Variants in RD3 observed in about 807,000 individuals in gnomAD.
RD3 encodes the protein protein RD3.
In RD3, 11 loss-of-function variants were observed where a neutral mutation model predicts 16.9. The ratio of observed to expected loss-of-function variants is 0.65; its 90% confidence interval spans 0.41 to 1.08. The LOEUF (loss-of-function observed/expected upper bound fraction) is 1.08, where lower values mean the gene tolerates loss of function less well. Among genes scored for constraint, RD3 ranks in the 50% least tolerant of loss-of-function variants. The pLI, the probability that RD3 is intolerant of heterozygous loss-of-function variation, is 0.00. For synonymous variants in RD3, 116 were observed against 114.8 expected, an observed-to-expected ratio of 1.01 and a Z score of -0.07; for missense variants, 274 against 267.4, an observed-to-expected ratio of 1.02 and a Z score of -0.17.
Position 211,478,407 on chromosome 1 carries a change from A to G in RD3, c.*629T>C, listed in dbSNP as rs1422940410. 1.4e-5 allele frequency: 5 copies of G among 367,812 alleles called. No individual in the cohort carries two copies. Among genetic ancestry groups the G allele is most frequent in the Admixed American group, 4.6e-5 (1 of 21,842 alleles). The allele number at this position is 367,812 out of a possible 1,614,324, so 22.8% of individuals were successfully genotyped here. The stretch of plus-strand genomic sequence containing the variant: ...ACACTATTCATGCAGGAACAATCTC[A>G]CTGTTCATGAGGAGCTGGCTGCAGT... On this transcript the variant is annotated 3_prime_UTR_variant, in exon 3 of 3. Transcript: ENST00000680073.
chr1:211,484,728 G>T lies in RD3; in HGVS notation c.-11-3302C>A, dbSNP rs370964293. ...TTCTCTGACACATGGAGGTGGGTTG[G>T]GACTGCTCTCGGCCCTCAGCCTGCC... On this transcript the variant is annotated intron_variant, in intron 1 of 2. Transcript: ENST00000680073. Among the ~76,000 whole-genome samples, 14 of 152,236 alleles carry T rather than the reference G, an allele frequency of 9.2e-5. No homozygotes were observed. In the East Asian group the frequency reaches 2.3e-3, roughly 25 times the overall value.
intron 1 of RD3, among the ~76,000 whole-genome samples, chr1:211,485,911 C>T (rs1705363632): frequency 6.6e-6 from 1 of 152,162 alleles, no homozygotes; most frequent in Non-Finnish European, 1.5e-5. Flanking sequence ...AATCCCAGCA[C>T]TTTGGGAGGC....
chr1:211,484,317 A>C (rs1160611875), intron 1 of RD3, among the ~76,000 whole-genome samples: 1 of 152,230 alleles, frequency 6.6e-6, no homozygotes, highest in Non-Finnish European at 1.5e-5. Context: ...TAAATGATGG[A>C]GAAGCTATAA....
chr1:211,479,218 G>C lies in RD3; in HGVS notation c.406C>G (p.His136Asp). The C allele has an allele frequency of 1.9e-6, 3 of 1,610,814 alleles. No homozygotes were observed. The highest frequency in any genetic ancestry group is 2.5e-6 in the Non-Finnish European group (3 of 1,178,884). Reference protein sequence around the residue: ...LERMKQEEEAHKLTRQWSLRP... With the variant: ...LERMKQEEEADKLTRQWSLRP... The stretch of plus-strand genomic sequence containing the variant: ...AGGCTCCACTGGCGCGTCAGCTTGT[G>C]GGCCTCCTCTTCCTGCTTCATCCTC... Residue 136 changes from histidine to aspartate, a missense_variant, in exon 3 of 3, where the codon CAC (histidine) becomes GAC (aspartate). His to Asp is a moderately conservative substitution (Grantham distance 81). Transcript: ENST00000680073.
intron 2 of RD3, among the ~76,000 whole-genome samples, chr1:211,479,784 G>A (rs1448603510): frequency 6.6e-6 from 1 of 152,132 alleles, no homozygotes; most frequent in Non-Finnish European, 1.5e-5. Flanking sequence ...CCTTCCAGGT[G>A]AGCTGTTTGC....
Position 211,478,256 on chromosome 1 carries a change from T to C in RD3, c.*780A>G, listed in dbSNP as rs1396711453. ...AACCTACCTCCACCCCTAGCTACAC[T>C]TCTTGGAGAGCAGCTTAGATTCTCA... On this transcript the variant is annotated 3_prime_UTR_variant, in exon 3 of 3. Coordinates refer to ENST00000680073, the MANE Select transcript of RD3 (RefSeq NM_001164688.2). The C allele has an allele frequency of 1.5e-5, 6 of 398,356 alleles. No homozygotes were observed. The highest frequency in any genetic ancestry group is 2.7e-5 in the Non-Finnish European group (6 of 226,068). 24.7% of individuals were successfully genotyped at this position (398,356 alleles called of 1,614,324 possible).
intron 2 of RD3, 117 bp from the exon 3 acceptor site, chr1:211,479,444 T>A: frequency 4.4e-6 from 4 of 918,186 alleles, no homozygotes; most frequent in Non-Finnish European, 6.4e-6. Context: ...TCCACTCTAC[T>A]CTGCTCCTGA....
chr1:211,481,316 T>C lies in RD3; in HGVS notation c.100A>G (p.Thr34Ala), dbSNP rs1005047463. 2 of 1,614,216 alleles carry C rather than the reference T, an allele frequency of 1.2e-6. No homozygotes were observed. The highest frequency in any genetic ancestry group is 1.7e-6 in the Non-Finnish European group (2 of 1,180,044). The change falls in exon 2 of 3, where the codon ACG (threonine) becomes GCG (alanine). Residue 34 changes from threonine (T) to alanine (A), a missense_variant. Physicochemically the swap from Thr to Ala is moderately conservative, Grantham distance 58. Transcript: ENST00000680073. ...MVLETLMMEL[T>A]GQMREAERQQ... ...CTCTCAGCCTCTCGCATCTGCCCCG[T>C]CAGCTCCATCATAAGCGTCTCCAGC...
intron 1 of RD3, among the ~76,000 whole-genome samples, chr1:211,487,760 G>A (rs1312701539): frequency 2.0e-5 from 3 of 152,208 alleles, no homozygotes; most frequent in Admixed American, 1.3e-4. Flanking sequence ...AGTGGCGTGT[G>A]CGGGGAGGGC....
At position 211,478,773 on chromosome 1, in the gene RD3, A is replaced by C. The variant is rs1558178563; in HGVS notation, c.*263T>G. The C allele has an allele frequency of 5.9e-5, 29 of 492,652 alleles. No homozygotes were observed. In the South Asian group the frequency reaches 1.1e-3, roughly 18 times the overall value. 30.5% of individuals were successfully genotyped at this position (492,652 alleles called of 1,614,324 possible). ...TGTCTTCCAAAACCTTGAATCTGCC[A>C]GTTAGGGAAGGGGCTGCTCCTGCAG... is the stretch of plus-strand genomic sequence containing the variant. On this transcript the variant is annotated 3_prime_UTR_variant, in exon 3 of 3. Coordinates refer to ENST00000680073, the MANE Select transcript of RD3 (RefSeq NM_001164688.2).
chr1:211,485,607 T>C (rs925833585), intron 1 of RD3, among the ~76,000 whole-genome samples: 1 of 150,582 alleles, frequency 6.6e-6, no homozygotes, highest in Non-Finnish European at 1.5e-5. Flanking sequence ...CTGGGGGAGG[T>C]CTGTTAAACA....
chr1:211,488,166 A>G (rs1456686745), intron 1 of RD3, among the ~76,000 whole-genome samples: 1 of 152,232 alleles, frequency 6.6e-6, no homozygotes, highest in African/African-American at 2.4e-5. Flanking sequence ...ATGTGAAAAC[A>G]TTCAGTAAAC....
At position 211,478,223 on chromosome 1, in the gene RD3, T is replaced by A. The variant is rs1572139475; in HGVS notation, c.*813A>T. On this transcript the variant is annotated 3_prime_UTR_variant, in exon 3 of 3. Coordinates refer to ENST00000680073, the MANE Select transcript of RD3 (RefSeq NM_001164688.2). ...CATGCGATGACATTGTGGCGTGGGGTAATGAGTAACCTACCTCCACCCCTA... is the reference window on the plus strand; with the variant it reads ...CATGCGATGACATTGTGGCGTGGGGAAATGAGTAACCTACCTCCACCCCTA... 2.5e-6 allele frequency: 1 copy of A among 398,288 alleles called. No individual in the cohort carries two copies. The highest frequency in any genetic ancestry group is 4.4e-6 in the Non-Finnish European group (1 of 226,052). The allele number at this position is 398,288 out of a possible 1,614,324, so 24.7% of individuals were successfully genotyped here.
In RD3 at chr1:211,476,720, G is replaced by A. The variant is rs368840244; in HGVS notation, c.*2316C>T. The A allele has an allele frequency of 5.9e-5, 9 of 152,106 alleles. No homozygotes were observed. Among genetic ancestry groups the A allele is most frequent in the Admixed American group, 1.3e-4 (2 of 15,274 alleles). The allele number at this position is 152,106 out of a possible 1,614,324, so 9.4% of individuals were successfully genotyped here. On this transcript the variant is annotated 3_prime_UTR_variant, in exon 3 of 3. Transcript: ENST00000680073. ...TGGTGGATTCTGTCCACATGCCTGC[G>A]GCTCGAAGGGAAGGTTTTCATTGGC...
chr1:211,487,653 C>T (rs1331147406), intron 1 of RD3, among the ~76,000 whole-genome samples: 3 of 152,208 alleles, frequency 2.0e-5, no homozygotes, highest in Non-Finnish European at 4.4e-5. Flanking sequence ...TGATGGCCTG[C>T]GTTGTTCCTC....
chr1:211,478,837 A>G lies in RD3; in HGVS notation c.*199T>C. ...AGGGAGAGGGCGGTGCCGCTCTACG[A>G]CCTAACTCAGCTTTGTGGCCAGAGG... On this transcript the variant is annotated 3_prime_UTR_variant, in exon 3 of 3. Coordinates refer to ENST00000680073, the MANE Select transcript of RD3 (RefSeq NM_001164688.2). The G allele has an allele frequency of 1.7e-6, 1 of 597,730 alleles. No homozygotes were observed. Among genetic ancestry groups the G allele is most frequent in the Non-Finnish European group, 2.9e-6 (1 of 341,352 alleles). 37.0% of individuals were successfully genotyped at this position (597,730 alleles called of 1,614,324 possible).
rs536734715 is a variant in RD3 at position 211,479,000 on chromosome 1, A to T, written c.*36T>A. On this transcript the variant is annotated 3_prime_UTR_variant, in exon 3 of 3. Coordinates refer to ENST00000680073, the MANE Select transcript of RD3 (RefSeq NM_001164688.2). Reference sequence around the variant, plus strand: ...GTCACCGGCCTATCATTCCCCCTGCAGAAGGCTCCGCTTCTGGGCAGGGAA... The same window carrying T: ...GTCACCGGCCTATCATTCCCCCTGCTGAAGGCTCCGCTTCTGGGCAGGGAA... The T allele has an allele frequency of 2.6e-6, 4 of 1,558,266 alleles. No individual in the cohort carries two copies. In the South Asian group the frequency reaches 4.7e-5, roughly 18 times the overall value.
rs1319258522 is a variant in RD3 at position 211,477,903 on chromosome 1, A to G, written c.*1133T>C. On this transcript the variant is annotated 3_prime_UTR_variant, in exon 3 of 3. Transcript: ENST00000680073. The stretch of plus-strand genomic sequence containing the variant: ...GTGGGAAGGCCTCCTGGCCTTCCAG[A>G]TTTTCCATGGGTGATCCACACATTG... 4.3e-5 allele frequency: 17 copies of G among 391,714 alleles called. No homozygotes were observed. The highest frequency in any genetic ancestry group is 1.3e-3 in the Middle Eastern group (2 of 1,556). The allele number at this position is 391,714 out of a possible 1,614,324, so 24.3% of individuals were successfully genotyped here. A position where few individuals can be genotyped will look rare whatever the true frequency, so the allele number is the denominator to read the frequency against.
chr1:211,479,423 T>A, intron 2 of RD3, 96 bp from the exon 3 acceptor site: 4 of 1,139,580 alleles, frequency 3.5e-6, no homozygotes, highest in Non-Finnish European at 4.9e-6. Flanking sequence ...TGCATCCTCA[T>A]GGCCAATTAG....
Sources: gnomAD v4.1 joint callset for allele counts (sites outside exome capture counted in the v4.1 genomes callset) on GRCh38, gnomAD v4.1.1 for gene constraint, MANE v1.5 for transcripts, NCBI Gene and HGNC (gene_info 2026-07-23, HGNC 2026-07-21) for gene names.